CSMD2: variants seen among roughly 807,000 people sequenced by gnomAD.
CSMD2 encodes the protein CUB and Sushi multiple domains 2.
In CSMD2, 130 loss-of-function variants were observed where a neutral mutation model predicts 398.5. The observed-to-expected ratio is 0.33, with a 90% CI of 0.28 to 0.38. The LOEUF (loss-of-function observed/expected upper bound fraction) is 0.38, where lower values mean the gene tolerates loss of function less well. Ranked by LOEUF, CSMD2 falls within the 10% of genes least tolerant of loss-of-function variation. The probability of loss-of-function intolerance (pLI) is 1.00; values close to 1 mark genes in which losing one functional copy is unlikely to be tolerated. For synonymous variants in CSMD2, 1,828 were observed against 1,908.5 expected, an observed-to-expected ratio of 0.96 and a Z score of 1.10; for missense variants, 3,829 against 4,764.9, an observed-to-expected ratio of 0.80 and a Z score of 5.78.
intron 5 of CSMD2, among the ~76,000 whole-genome samples, chr1:33,917,559 G>A (rs1643789096): frequency 6.6e-6 from 1 of 152,166 alleles, no homozygotes; most frequent in African/African-American, 2.4e-5. Context: ...CTACAGAAGA[G>A]CCTGCACTTT....
At chr1:33,656,388 T>C (rs1192776986) in intron 27 of CSMD2, among the ~76,000 whole-genome samples, 2 of 152,208 alleles carry the variant, frequency 1.3e-5, no homozygotes, top group Non-Finnish European at 1.5e-5. Flanking sequence ...CACAGCAGAA[T>C]ACGTAGTGAA....
At chr1:33,978,479 A>G (rs930370413) in intron 3 of CSMD2, among the ~76,000 whole-genome samples, 7 of 152,178 alleles carry the variant, frequency 4.6e-5, no homozygotes, top group Non-Finnish European at 8.8e-5. Context: ...TGAGCTGTAT[A>G]GACAGCCGTG....
rs533621601 is a variant in CSMD2 at position 33,934,961 on chromosome 1, G to A, written c.712+799C>T. On this transcript the variant is annotated intron_variant, in intron 4 of 70. Transcript: ENST00000373381. Reference sequence around the variant, plus strand: ...TGAGGCTGCAGTGAGCCATGATTACGTCACTGCACTCCAGCACGGAGGACA... The same window carrying A: ...TGAGGCTGCAGTGAGCCATGATTACATCACTGCACTCCAGCACGGAGGACA... 1.8e-4 allele frequency among the ~76,000 whole-genome samples: 26 copies of A among 143,970 alleles called. 2 individuals are homozygous for A. Among genetic ancestry groups the A allele is most frequent in the Admixed American group, 8.0e-4 (11 of 13,692 alleles). The allele number at this position is 143,970 out of a possible 152,430, so 94.4% of individuals were successfully genotyped here.
chr1:33,726,502 A>G (rs1301312718), intron 16 of CSMD2, 45 bp downstream of exon 16: 6 of 1,567,514 alleles, frequency 3.8e-6, no homozygotes, highest in Non-Finnish European at 5.2e-6. Context: ...GGCTCTGTAA[A>G]AATCTCCCCC....
chr1:33,557,639 C>T (rs1435084408), intron 55 of CSMD2, 95 bp downstream of exon 55: 4 of 1,045,060 alleles, frequency 3.8e-6, no homozygotes, highest in Non-Finnish European at 5.6e-6. Flanking sequence ...CACACACACA[C>T]ACACACACAC....
At chr1:33,795,669 C>T (rs781128944) in intron 10 of CSMD2, among the ~76,000 whole-genome samples, 71 of 152,358 alleles carry the variant, frequency 4.7e-4, no homozygotes, top group Non-Finnish European at 8.2e-4. Context: ...AGCCCCTGCT[C>T]AGCCCCTTCC....
At chr1:34,073,295 C>T (rs1186871037) in intron 2 of CSMD2, among the ~76,000 whole-genome samples, 1 of 152,156 alleles carries the variant, frequency 6.6e-6, no homozygotes, top group Non-Finnish European at 1.5e-5. Flanking sequence ...ATCCATAATG[C>T]CTTTGGCCTC....
At chr1:33,757,164 G>A (rs1649151531) in intron 13 of CSMD2, among the ~76,000 whole-genome samples, 1 of 152,046 alleles carries the variant, frequency 6.6e-6, no homozygotes, top group Non-Finnish European at 1.5e-5. Flanking sequence ...TTGTGGGGTG[G>A]GGGGAGTGGG....
intron 2 of CSMD2, among the ~76,000 whole-genome samples, chr1:34,078,879 C>T (rs12120060): frequency 0.28 from 41,973 of 152,076 alleles, 6,180 homozygotes; most frequent in Admixed American, 0.37. Flanking sequence ...CGGAGTCATC[C>T]TCCATTCCTT....
intron 1 of CSMD2, among the ~76,000 whole-genome samples, chr1:34,117,069 T>C (rs563514486): frequency 2.0e-5 from 3 of 151,750 alleles, no homozygotes; most frequent in Non-Finnish European, 4.4e-5. Flanking sequence ...TAACCTAACT[T>C]TACATGTAAA....
At chr1:33,967,514 T>G (rs1337754924) in intron 3 of CSMD2, among the ~76,000 whole-genome samples, 2 of 152,164 alleles carry the variant, frequency 1.3e-5, no homozygotes, top group Admixed American at 1.3e-4. Flanking sequence ...GATTTCTTTA[T>G]CTCCGTAGTG....
rs1302290857 is a variant in CSMD2 at position 33,645,384 on chromosome 1, CACACACACAT to C, written c.4774+1254_4774+1263del. ...ACACACACACACACACACACACACA[CACACACACAT>C]ATATAAAATATGCATGTATAAAATA... On this transcript the variant is annotated intron_variant, in intron 29 of 70. Coordinates refer to ENST00000373381, the MANE Select transcript of CSMD2 (RefSeq NM_001281956.2). Among the ~76,000 whole-genome samples the C allele has an allele frequency of 6.8e-3, 998 of 146,174 alleles. 19 individuals carry two copies. The highest frequency in any genetic ancestry group is 0.024 in the African/African-American group (918 of 38,686).
intron 3 of CSMD2, among the ~76,000 whole-genome samples, chr1:33,974,462 A>G (rs1046286543): frequency 1.3e-5 from 2 of 152,250 alleles, no homozygotes; most frequent in Admixed American, 6.5e-5. Context: ...CCCAAGGAGC[A>G]AGTTTTACTG....
At chr1:33,621,487 C>T (rs946219198) in intron 37 of CSMD2, among the ~76,000 whole-genome samples, 18 of 152,152 alleles carry the variant, frequency 1.2e-4, no homozygotes, top group African/African-American at 4.3e-4. Flanking sequence ...CGTGGCAAAA[C>T]CCAGCACAGT....
At chr1:33,869,864 G>T (rs1570342672) in intron 5 of CSMD2, among the ~76,000 whole-genome samples, 1 of 152,146 alleles carries the variant, frequency 6.6e-6, no homozygotes, top group Admixed American at 6.5e-5. Context: ...CAGTAATAAA[G>T]GTGACATGCT....
Position 33,772,703 on chromosome 1 carries a change from C to T in CSMD2, c.1712G>A (p.Arg571Gln), listed in dbSNP as rs781533024. ...GTGGTGAAACCGGGAGCCTTCCCTC[C>T]GGCCATATGCAGGTATGCCAGGGTC... ...CGDPGIPAYG[R>Q]REGSRFHHGD... The change falls in exon 13 of 71, where the codon CGG becomes CAG. Residue 571 changes from arginine (R) to glutamine (Q), a missense_variant. This residue lies in a region of CSMD2 where 2,001 missense variants were observed against 2,567.1 expected (regional missense o/e 0.78). Coordinates refer to ENST00000373381, the MANE Select transcript of CSMD2 (RefSeq NM_001281956.2). 32 of 1,613,976 alleles carry T rather than the reference C, an allele frequency of 2.0e-5. No homozygotes were observed. Among genetic ancestry groups the T allele is most frequent in the African/African-American group, 1.3e-4 (10 of 74,926 alleles).
intron 5 of CSMD2, among the ~76,000 whole-genome samples, chr1:33,901,184 G>A (rs1392251397): frequency 1.3e-5 from 2 of 152,332 alleles, no homozygotes; most frequent in African/African-American, 4.8e-5. Context: ...CAATCATAGA[G>A]GCAAACAATG....
chr1:34,024,425 T>C (rs1347156025), intron 3 of CSMD2, among the ~76,000 whole-genome samples: 1 of 152,238 alleles, frequency 6.6e-6, no homozygotes, highest in Non-Finnish European at 1.5e-5. Context: ...CTTAAAGCTA[T>C]GTTAATACTC....
At chr1:33,978,981 A>G (rs1646066898) in intron 3 of CSMD2, among the ~76,000 whole-genome samples, 1 of 152,204 alleles carries the variant, frequency 6.6e-6, no homozygotes, top group Non-Finnish European at 1.5e-5. Context: ...GCCACATCAC[A>G]TAGTCAATAA....
Sources: gnomAD v4.1 joint callset for allele counts (sites outside exome capture counted in the v4.1 genomes callset) on GRCh38, gnomAD v4.1.1 for gene constraint, gnomAD v4.1.1 regional missense constraint, MANE v1.5 for transcripts, NCBI Gene and HGNC (gene_info 2026-07-23, HGNC 2026-07-21) for gene names.